USH2A: variants seen among roughly 807,000 people sequenced by gnomAD.
USH2A encodes the protein usherin, also known as Usher syndrome 2A (autosomal recessive, mild).
USH2A carries 443 observed loss-of-function variants against 538.9 expected under a neutral mutation model. The observed-to-expected ratio is 0.82, with a 90% confidence interval of 0.76 to 0.89. USH2A has a LOEUF of 0.89. USH2A is among the 40% of genes least tolerant of loss of function. USH2A has a pLI of 0.00. For synonymous variants in USH2A, 2,413 were observed against 2,273.5 expected, an observed-to-expected ratio of 1.06 and a Z score of -1.75; for missense variants, 6,633 against 6,324.8, an observed-to-expected ratio of 1.05 and a Z score of -1.65.
chr1:216,324,350 C>T lies in USH2A; in HGVS notation c.1146G>A (p.Val382=), dbSNP rs1195162820. 1 of 1,609,594 alleles carries T rather than the reference C, an allele frequency of 6.2e-7. No individual in the cohort carries two copies. Among genetic ancestry groups the T allele is most frequent in the Non-Finnish European group, 8.5e-7 (1 of 1,177,300 alleles). ...TAAAGAACTGAATGATAATATAAAACACCTGAAAATGGAAAGTTAATTAAT... is the reference window on the plus strand; with the variant it reads ...TAAAGAACTGAATGATAATATAAAATACCTGAAAATGGAAAGTTAATTAAT... ...SVDLENGQYQ[V]FYIIIQFFSP... The change falls in exon 7 of 72, where the codon GTG becomes GTA. Residue 382 remains valine, a splice_region_variant and synonymous_variant. Transcript: ENST00000307340.
At chr1:216,062,838 CA>C (rs915618895) in intron 30 of USH2A, among the ~76,000 whole-genome samples, 10 of 151,940 alleles carry the variant, frequency 6.6e-5, no homozygotes, top group African/African-American at 1.9e-4. Flanking sequence ...AACACAATGG[CA>C]AATTTTCCAA....
chr1:215,979,524 C>T (rs577442062), intron 35 of USH2A, among the ~76,000 whole-genome samples: 1 of 152,128 alleles, frequency 6.6e-6, no homozygotes, highest in Non-Finnish European at 1.5e-5. Context: ...TAGGGAAGCC[C>T]ATGCAGGTAG....
intron 21 of USH2A, among the ~76,000 whole-genome samples, chr1:216,111,664 A>T (rs997359284): frequency 2.6e-5 from 4 of 151,546 alleles, no homozygotes; most frequent in African/African-American, 9.7e-5. Context: ...AACAAGACAA[A>T]TAAAATATGC....
At chr1:216,028,682 A>G (rs1669025016) in intron 32 of USH2A, among the ~76,000 whole-genome samples, 1 of 152,120 alleles carries the variant, frequency 6.6e-6, no homozygotes, top group Non-Finnish European at 1.5e-5. Context: ...TATAGAGTGC[A>G]TGCAAATGGT....
chr1:216,206,295 TC>T (rs1269136220), intron 16 of USH2A, among the ~76,000 whole-genome samples: 1 of 152,148 alleles, frequency 6.6e-6, no homozygotes, highest in Non-Finnish European at 1.5e-5. Context: ...AAACCAGTGG[TC>T]CCCAACTTTT....
In USH2A at chr1:216,398,565, C is replaced by CACACAA. The variant is rs1417446618; in HGVS notation, c.651+19948_651+19949insTTGTGT. Among the ~76,000 whole-genome samples, 10 of 152,034 alleles carry CACACAA rather than the reference C, an allele frequency of 6.6e-5. No individual in the cohort carries two copies. In the East Asian group the frequency reaches 1.9e-3, roughly 29 times the overall value. ...ACACAAGCACACCCATACACACACA[C>CACACAA]ACACTCTCTCCCCACACACACTCAC... On this transcript the variant is annotated intron_variant, in intron 3 of 71. Coordinates refer to ENST00000307340, the MANE Select transcript of USH2A (RefSeq NM_206933.4).
chr1:215,696,773 G>C (rs1254109153), intron 61 of USH2A, among the ~76,000 whole-genome samples: 1 of 152,150 alleles, frequency 6.6e-6, no homozygotes, highest in Non-Finnish European at 1.5e-5. Flanking sequence ...AGGCCAAGGT[G>C]GGAGGATCAC....
chr1:216,065,013 C>A (rs1251773995), intron 30 of USH2A, among the ~76,000 whole-genome samples: 1 of 152,174 alleles, frequency 6.6e-6, no homozygotes, highest in Non-Finnish European at 1.5e-5. Flanking sequence ...GAGAAATTGA[C>A]AAAACTGCAT....
intron 3 of USH2A, among the ~76,000 whole-genome samples, chr1:216,407,681 C>T (rs558367298): frequency 9.2e-5 from 14 of 152,224 alleles, no homozygotes; most frequent in East Asian, 7.7e-4. Flanking sequence ...TTCTTCCTGA[C>T]GTTAGTGCGA....
chr1:216,009,558 G>A (rs956209957), intron 32 of USH2A, among the ~76,000 whole-genome samples: 16 of 152,062 alleles, frequency 1.1e-4, no homozygotes, highest in East Asian at 5.8e-4. Flanking sequence ...AGTGCAACTC[G>A]TCCCAAATCT....
chr1:216,131,042 G>T (rs2033366377), intron 21 of USH2A, among the ~76,000 whole-genome samples: 1 of 151,842 alleles, frequency 6.6e-6, no homozygotes, highest in South Asian at 2.1e-4. Context: ...GTTTTGATTT[G>T]CATTTCTCTA....
rs1196930726 is a variant in USH2A at position 215,671,071 on chromosome 1, T to G, written c.14034A>C (p.Ala4678=). 1.2e-6 allele frequency: 2 copies of G among 1,614,178 alleles called. No individual in the cohort carries two copies. Among genetic ancestry groups the G allele is most frequent in the South Asian group, 2.2e-5 (2 of 91,086 alleles). ...LYYELYRRQI[A]TQPRKSNPVL... ...CTGGATTGGATTTTCTAGGCTGAGTTGCTATTTGTCTTCTGTATAATTCGT... is the reference window on the plus strand; with the variant it reads ...CTGGATTGGATTTTCTAGGCTGAGTGGCTATTTGTCTTCTGTATAATTCGT... Residue 4678 remains alanine (A), a synonymous_variant, in exon 64 of 72, where the codon GCA becomes GCC. Transcript: ENST00000307340.
chr1:216,294,352 G>A (rs2037062993), intron 9 of USH2A, among the ~76,000 whole-genome samples: 1 of 151,800 alleles, frequency 6.6e-6, no homozygotes, highest in African/African-American at 2.4e-5. Flanking sequence ...ATTTGTATAT[G>A]CATATATTTC....
intron 40 of USH2A, among the ~76,000 whole-genome samples, chr1:215,897,347 T>C (rs1665374639): frequency 6.6e-6 from 1 of 152,102 alleles, no homozygotes; most frequent in Non-Finnish European, 1.5e-5. Flanking sequence ...CGAGGCGACT[T>C]CTCTGTTTCG....
chr1:216,022,534 T>C (rs1289519633), intron 32 of USH2A, among the ~76,000 whole-genome samples: 3 of 152,182 alleles, frequency 2.0e-5, no homozygotes, highest in African/African-American at 7.2e-5. Context: ...GATTTGTATT[T>C]AGAGTAAAAC....
rs185960266 is a variant in USH2A at position 215,998,687 on chromosome 1, C to A, written c.6657+200G>T. Reference sequence around the variant, plus strand: ...ACTCAGGGTGTTATTCTATCATTTGCATAATATAAAATAAATGTGTAGGTA... The same window carrying A: ...ACTCAGGGTGTTATTCTATCATTTGAATAATATAAAATAAATGTGTAGGTA... On this transcript the variant is annotated intron_variant, in intron 34 of 71. Transcript: ENST00000307340. Among the ~76,000 whole-genome samples, 2,642 of 151,824 alleles carry A rather than the reference C, an allele frequency of 0.017. 73 individuals are homozygous for A. Among genetic ancestry groups the A allele is most frequent in the African/African-American group, 0.061 (2,520 of 41,306 alleles).
rs1476592923 is a variant in USH2A, at chr1:216,086,826, G to A, written c.4886-6C>T. ...ATTCAGGATGGCAGAGGAACCTAGA[G>A]AAGAGGAGATGAGAAATACACCTTC... On this transcript the variant is annotated splice_region_variant and splice_polypyrimidine_tract_variant and intron_variant, in intron 23 of 71. Transcript: ENST00000307340. 1.2e-6 allele frequency: 2 copies of A among 1,606,462 alleles called. No homozygotes were observed. The highest frequency in any genetic ancestry group is 3.3e-4 in the Middle Eastern group (2 of 6,024).
chr1:216,377,863 GAAAGAAGGAAA>G lies in USH2A; in HGVS notation c.652-12789_652-12779del, dbSNP rs1558061869. Among the ~76,000 whole-genome samples the G allele has an allele frequency of 6.8e-4, 92 of 135,778 alleles. 1 individual carries two copies. The highest frequency in any genetic ancestry group is 4.8e-3 in the Admixed American group (64 of 13,232). 89.1% of individuals were successfully genotyped at this position (135,778 alleles called of 152,430 possible). The stretch of plus-strand genomic sequence containing the variant: ...AGAAAGAAAGAAAGAAAGAAAGAAA[GAAAGAAGGAAA>G]GAAAGAAAGGAAGGAAGGAAGAAAG... On this transcript the variant is annotated intron_variant, in intron 3 of 71. Coordinates refer to ENST00000307340, the MANE Select transcript of USH2A (RefSeq NM_206933.4).
chr1:215,675,724 C>T (rs564670348), intron 62 of USH2A, 108 bp from the exon 63 acceptor site: 5 of 1,579,434 alleles, frequency 3.2e-6, no homozygotes, highest in Non-Finnish European at 4.3e-6. Context: ...TTTGATGACC[C>T]TAATTTAGAA....
Sources: allele counts gnomAD v4.1 joint callset (sites outside exome capture counted in the v4.1 genomes callset), GRCh38; gene constraint gnomAD v4.1.1; transcripts MANE v1.5; gene names NCBI Gene and HGNC (gene_info 2026-07-23, HGNC 2026-07-21).